Variants in ERICH6 observed in about 807,000 individuals in gnomAD.
ERICH6 encodes the protein glutamate-rich protein 6.
Under a neutral mutation model 71.0 loss-of-function variants are expected in ERICH6, and 71 were observed. The observed-to-expected ratio is 1.00, with a 90% CI of 0.83 to 1.22. ERICH6 has a LOEUF of 1.22. Among genes scored for constraint, ERICH6 ranks in the 50% most tolerant of loss-of-function variants. The pLI is 0.00. For synonymous variants in ERICH6, 262 were observed against 278.4 expected (o/e 0.94, Z 0.59); for missense variants, 808 against 797.2 (o/e 1.01, Z -0.16).
intron 3 of ERICH6, 95 bp from the exon 4 acceptor site, chr3:150,686,449 T>C: frequency 1.0e-6 from 1 of 993,610 alleles, no homozygotes; most frequent in African/African-American, 1.6e-5. Context: ...TAACTACCCT[T>C]ACTATGTTTC....
intron 10 of ERICH6, among the ~76,000 whole-genome samples, chr3:150,677,584 C>A (rs1356840368): frequency 1.3e-5 from 2 of 151,902 alleles, no homozygotes; most frequent in African/African-American, 4.8e-5. Flanking sequence ...GCAACCTCCA[C>A]CCCCAGGCTC....
chr3:150,670,169 T>A (rs1252935989), intron 11 of ERICH6, among the ~76,000 whole-genome samples: 1 of 152,126 alleles, frequency 6.6e-6, no homozygotes, highest in Non-Finnish European at 1.5e-5. Context: ...CTCTTACTAC[T>A]TCTATTCAAC....
Position 150,703,495 on chromosome 3 carries a change from C to T in ERICH6, c.403+1G>A. 1.3e-6 allele frequency: 2 copies of T among 1,587,860 alleles called. No individual in the cohort carries two copies. Among genetic ancestry groups the T allele is most frequent in the Non-Finnish European group, 1.7e-6 (2 of 1,166,912 alleles). On this transcript the variant is annotated splice_donor_variant, in intron 1 of 13. Coordinates refer to ENST00000295910, the MANE Select transcript of ERICH6 (RefSeq NM_152394.5). LOFTEE classifies it high-confidence loss of function. Reference sequence around the variant, plus strand: ...AGGAAGGGGTGGGTCGGGGGCGGTACTTTTATGCGAGGAGGTGCTGGAGGG... The same window carrying T: ...AGGAAGGGGTGGGTCGGGGGCGGTATTTTTATGCGAGGAGGTGCTGGAGGG...
intron 11 of ERICH6, among the ~76,000 whole-genome samples, chr3:150,673,092 CTTCCTTCCTTCCTTCCTTT>C (rs1576549655): frequency 6.7e-6 from 1 of 149,628 alleles, no homozygotes; most frequent in East Asian, 2.0e-4. Context: ...GTAGTCTCTC[CTTCCTTCCTTCCTTCCTTT>C]TTCCTTCCTT....
intron 13 of ERICH6, among the ~76,000 whole-genome samples, chr3:150,663,229 G>T (rs765545428): frequency 6.6e-6 from 1 of 152,154 alleles, no homozygotes; most frequent in Non-Finnish European, 1.5e-5. Context: ...AGGTAAAGAG[G>T]CAGACAAGAA....
At chr3:150,660,309 C>T (rs958502032) in intron 13 of ERICH6, among the ~76,000 whole-genome samples, 154 bp from the exon 14 acceptor site, 5 of 152,128 alleles carry the variant, frequency 3.3e-5, no homozygotes, top group African/African-American at 1.2e-4. Context: ...TGTTATTCTA[C>T]TCTGAATGAA....
chr3:150,682,166 C>T (rs1711988101), intron 7 of ERICH6, 52 bp downstream of exon 7: 1 of 1,437,234 alleles, frequency 7.0e-7, no homozygotes, highest in Admixed American at 1.7e-5. Context: ...GAAAATACTA[C>T]ATATGTTTAA....
At position 150,680,896 on chromosome 3, in the gene ERICH6, T is replaced by C. The variant is rs750598169; in HGVS notation, c.917A>G (p.Asp306Gly). ...SCCIAFQNLIDYIYEEQIKTK... is the reference protein window; with the variant it reads ...SCCIAFQNLIGYIYEEQIKTK... ...TTTTATTTGCTCCTCATAGATATAG[T>C]CAATCAGATTTTGGAAAGCAATACA... The change falls in exon 8 of 14, where the codon GAC becomes GGC. Residue 306 changes from aspartate to glycine, a missense_variant. By Grantham distance (94) the Asp-to-Gly change is moderately conservative. Transcript: ENST00000295910. 2 of 1,611,992 alleles carry C rather than the reference T, an allele frequency of 1.2e-6. No individual in the cohort carries two copies. The highest frequency in any genetic ancestry group is 1.7e-6 in the Non-Finnish European group (2 of 1,179,458).
At chr3:150,688,613 C>A (rs1290351228) in intron 3 of ERICH6, among the ~76,000 whole-genome samples, 1 of 152,202 alleles carries the variant, frequency 6.6e-6, no homozygotes. Context: ...AAACCTGCCT[C>A]CCATTCTATT....
intron 6 of ERICH6, among the ~76,000 whole-genome samples, chr3:150,685,017 T>A (rs1050488782): frequency 1.0e-3 from 158 of 151,730 alleles, no homozygotes; most frequent in African/African-American, 3.1e-3. Flanking sequence ...AAAAAAAAAA[T>A]AATAATAATT....
At chr3:150,702,638 G>A (rs1263955470) in intron 1 of ERICH6, among the ~76,000 whole-genome samples, 1 of 151,936 alleles carries the variant, frequency 6.6e-6, no homozygotes, top group African/African-American at 2.4e-5. Context: ...TAGAGGACAG[G>A]GATGCTGCCA....
chr3:150,695,584 C>T lies in ERICH6; in HGVS notation c.553+3207G>A, dbSNP rs1712625505. On this transcript the variant is annotated intron_variant, in intron 3 of 13. Transcript: ENST00000295910. ...TCGGGAAGCTGAGGCAAGAGAATCG[C>T]TTGAACCTGGGAGGCGGAGGTTACA... Among the ~76,000 whole-genome samples, 4 of 152,062 alleles carry T rather than the reference C, an allele frequency of 2.6e-5. No individual in the cohort carries two copies. The South Asian group carries it at 8.3e-4, about 32-fold the overall frequency.
At chr3:150,663,350 A>C (rs548041044) in intron 13 of ERICH6, among the ~76,000 whole-genome samples, 4 of 152,146 alleles carry the variant, frequency 2.6e-5, no homozygotes, top group East Asian at 3.9e-4. Context: ...TTGTGAAACT[A>C]CTCCCGAGTT....
At chr3:150,696,599 T>G (rs1224140356) in intron 3 of ERICH6, among the ~76,000 whole-genome samples, 1 of 151,680 alleles carries the variant, frequency 6.6e-6, no homozygotes, top group Non-Finnish European at 1.5e-5. Flanking sequence ...GACAACTCAA[T>G]GGAAAAATGG....
chr3:150,663,352 T>C (rs1420314942), intron 13 of ERICH6, among the ~76,000 whole-genome samples: 2 of 152,212 alleles, frequency 1.3e-5, no homozygotes, highest in African/African-American at 4.8e-5. Context: ...GTGAAACTAC[T>C]CCCGAGTTTT....
chr3:150,660,006 C>T lies in ERICH6; in HGVS notation c.1878G>A (p.Lys626=), dbSNP rs1286895048. The T allele has an allele frequency of 1.2e-6, 2 of 1,614,018 alleles. No individual in the cohort carries two copies. The highest frequency in any genetic ancestry group is 1.7e-6 in the Non-Finnish European group (2 of 1,180,034). ...FPSSQVWEKL[K]QPSYLSSLSL... is the part of the protein sequence containing the mutation. ...AAAGTGAAGAAAGGTAGGAAGGTTG[C>T]TTTAATTTTTCCCAAACCTGGCTTG... Residue 626 remains lysine (K), a synonymous_variant, in exon 14 of 14, where the codon AAG becomes AAA. Transcript: ENST00000295910.
chr3:150,680,962 T>C, intron 7 of ERICH6, 32 bp from the exon 8 acceptor site: 1 of 1,580,880 alleles, frequency 6.3e-7, no homozygotes, highest in Non-Finnish European at 8.6e-7. Context: ...CTCATCTCAT[T>C]AGTCCTAGAT....
chr3:150,665,625 G>C (rs898853001), intron 13 of ERICH6, among the ~76,000 whole-genome samples: 1 of 151,138 alleles, frequency 6.6e-6, no homozygotes, highest in African/African-American at 2.4e-5. Flanking sequence ...TCAGGAGTTC[G>C]AGACCAGCCT....
At chr3:150,684,958 CG>C (rs1309333509) in intron 6 of ERICH6, among the ~76,000 whole-genome samples, 1 of 151,838 alleles carries the variant, frequency 6.6e-6, no homozygotes, top group Non-Finnish European at 1.5e-5. Flanking sequence ...GAACCATAAT[CG>C]TGCCACTTAC....
Sources: gnomAD v4.1 joint callset for allele counts (sites outside exome capture counted in the v4.1 genomes callset) on GRCh38, gnomAD v4.1.1 for gene constraint, MANE v1.5 for transcripts, NCBI Gene and HGNC (gene_info 2026-07-23, HGNC 2026-07-21) for gene names.